The following TEK variants were observed in gnomAD, a reference collection of about 807,000 sequenced individuals.
The protein encoded by TEK is angiopoietin-1 receptor.
TEK carries 43 observed loss-of-function variants against 131.8 expected under a neutral mutation model. That is an observed-to-expected ratio of 0.33 (90% CI 0.26 to 0.42). The LOEUF (loss-of-function observed/expected upper bound fraction) is 0.42. Ranked by LOEUF, TEK falls within the 10% of genes least tolerant of loss-of-function variation. The pLI is 1.00. For missense variants in TEK, 1,162 were observed against 1,384.4 expected (o/e 0.84, Z 2.55); for synonymous variants, 580 against 491.6 (o/e 1.18, Z -2.38).
At chr9:27,185,394 CTTA>C (rs1824557233) in intron 8 of TEK, 88 bp from the exon 9 acceptor site, 9 of 1,514,722 alleles carry the variant, frequency 5.9e-6, no homozygotes, top group Non-Finnish European at 8.2e-6. Context: ...TAGGAAACTT[CTTA>C]TTAAACAATG....
rs928259055 is a variant in TEK at position 27,181,329 on chromosome 9, C to T, written c.1030+961C>T. Among the ~76,000 whole-genome samples the T allele has an allele frequency of 1.6e-4, 24 of 151,912 alleles. No homozygotes were observed. In the South Asian group the frequency reaches 1.7e-3, roughly 11 times the overall value. On this transcript the variant is annotated intron_variant, in intron 7 of 22. Transcript: ENST00000380036. ...TACACAGTTTGTCTGTGAGTTTTTT[C>T]AAATTATCCTAAATCTCCAAAAAAT...
At chr9:27,172,793 T>C (rs1824006926) in intron 5 of TEK, 46 bp downstream of exon 5, 1 of 1,609,904 alleles carries the variant, frequency 6.2e-7, no homozygotes, top group Non-Finnish European at 8.5e-7. Flanking sequence ...TAAAAAGCCA[T>C]CGTTGCTGGA....
chr9:27,192,349 G>A (rs1409982171), intron 10 of TEK, 140 bp from the exon 11 acceptor site: 9 of 915,694 alleles, frequency 9.8e-6, no homozygotes, highest in Non-Finnish European at 1.6e-5. Flanking sequence ...ATGAGGCCTT[G>A]AAGATGGAAT....
intron 4 of TEK, among the ~76,000 whole-genome samples, chr9:27,171,699 C>A (rs1283552209): frequency 2.0e-5 from 3 of 152,132 alleles, no homozygotes; most frequent in Non-Finnish European, 4.4e-5. Context: ...AATGTCAGAG[C>A]AGCCTTTTTG....
Position 27,206,691 on chromosome 9 carries a change from A to T in TEK, c.2474A>T (p.Lys825Ile). 6.2e-7 allele frequency: 1 copy of T among 1,614,104 alleles called. No homozygotes were observed. ...IYPVLDWNDI[K>I]FQDVIGEGNF... ...CCAGTGCTTGACTGGAATGACATCA[A>T]ATTTCAAGATGTGATTGGGGAGGGC... Residue 825 changes from lysine to isoleucine, a missense_variant, in exon 15 of 23, where the codon AAA (lysine) becomes ATA (isoleucine). Transcript: ENST00000380036.
chr9:27,196,298 T>G (rs1303572904), intron 11 of TEK, among the ~76,000 whole-genome samples: 3 of 152,222 alleles, frequency 2.0e-5, no homozygotes, highest in Admixed American at 6.5e-5. Flanking sequence ...TATCATAATT[T>G]ATTAAAGCAG....
At chr9:27,177,321 G>A (rs1347883119) in intron 6 of TEK, among the ~76,000 whole-genome samples, 1 of 152,188 alleles carries the variant, frequency 6.6e-6, no homozygotes, top group African/African-American at 2.4e-5. Context: ...GCATACAAGG[G>A]TTCCCTATTA....
At chr9:27,228,159 C>G in intron 21 of TEK, 47 bp from the exon 22 acceptor site, 2 of 1,514,156 alleles carry the variant, frequency 1.3e-6, no homozygotes, top group Non-Finnish European at 1.8e-6. Context: ...GTGCCTAGGA[C>G]TGAAGCACAG....
chr9:27,208,667 C>G (rs1825489334), intron 15 of TEK, among the ~76,000 whole-genome samples: 1 of 152,178 alleles, frequency 6.6e-6, no homozygotes, highest in Admixed American at 6.5e-5. Flanking sequence ...AACTTTGGTT[C>G]TATTCCTCAG....
intron 1 of TEK, among the ~76,000 whole-genome samples, chr9:27,111,766 A>G (rs1242570346): frequency 6.6e-6 from 1 of 152,140 alleles, no homozygotes; most frequent in Admixed American, 6.5e-5. Context: ...TGTTCTCTTT[A>G]AAAAGTTGTA....
chr9:27,162,720 T>C (rs1587537319), intron 2 of TEK, among the ~76,000 whole-genome samples: 1 of 152,254 alleles, frequency 6.6e-6, no homozygotes, highest in East Asian at 1.9e-4. Flanking sequence ...AATTTTTCTT[T>C]TCTTTTTTTT....
chr9:27,146,379 AC>A (rs1319287761), intron 1 of TEK, among the ~76,000 whole-genome samples: 2 of 152,186 alleles, frequency 1.3e-5, no homozygotes, highest in Non-Finnish European at 2.9e-5. Context: ...CGATCAGGAT[AC>A]AGAATAGTAC....
At chr9:27,188,189 C>T (rs1586988188) in intron 9 of TEK, among the ~76,000 whole-genome samples, 1 of 152,152 alleles carries the variant, frequency 6.6e-6, no homozygotes, top group South Asian at 2.1e-4. Flanking sequence ...ATAGAGGCTA[C>T]CTCTGGGTAG....
intron 1 of TEK, among the ~76,000 whole-genome samples, chr9:27,156,377 G>C (rs1452642421): frequency 6.6e-6 from 1 of 152,036 alleles, no homozygotes; most frequent in Non-Finnish European, 1.5e-5. Flanking sequence ...TAATCTGTAT[G>C]AATAAAACAG....
chr9:27,218,130 T>TTGGGGGGGG (rs9298888), intron 19 of TEK, among the ~76,000 whole-genome samples: 5 of 139,504 alleles, frequency 3.6e-5, no homozygotes, highest in African/African-American at 7.8e-5. Flanking sequence ...GGCCAGACAG[T>TTGGGGGGGG]GGCGGGGGTC....
intron 2 of TEK, among the ~76,000 whole-genome samples, chr9:27,165,172 G>A (rs973286974): frequency 6.6e-6 from 1 of 152,170 alleles, no homozygotes; most frequent in Non-Finnish European, 1.5e-5. Flanking sequence ...AGTGGTGGGG[G>A]GAAAGCTACT....
At chr9:27,218,699 C>G in intron 19 of TEK, 78 bp from the exon 20 acceptor site, 1 of 1,493,996 alleles carries the variant, frequency 6.7e-7, no homozygotes, top group South Asian at 1.1e-5. Flanking sequence ...AAGGGTGGGT[C>G]TCCCTGGCTT....
At position 27,206,653 on chromosome 9, in the gene TEK, T is replaced by C; in HGVS notation, c.2436T>C (p.Asp812=). ...ALNRKVKNNP[D]PTIYPVLDWN... ...ACAGGAAGGTCAAAAACAACCCAGA[T>C]CCTACAATTTATCCAGTGCTTGACT... Residue 812 remains aspartate, a synonymous_variant, in exon 15 of 23, where the codon GAT becomes GAC. Coordinates refer to ENST00000380036, the MANE Select transcript of TEK (RefSeq NM_000459.5). The C allele has an allele frequency of 6.2e-7, 1 of 1,613,992 alleles. No individual in the cohort carries two copies. Among genetic ancestry groups the C allele is most frequent in the Non-Finnish European group, 8.5e-7 (1 of 1,179,986 alleles).
chr9:27,141,014 CTGTT>C (rs1822703894), intron 1 of TEK, among the ~76,000 whole-genome samples: 1 of 152,022 alleles, frequency 6.6e-6, no homozygotes, highest in African/African-American at 2.4e-5. Context: ...CTGCCTATCT[CTGTT>C]TTTAAGATTT....
Sources: allele counts gnomAD v4.1 joint callset (sites outside exome capture counted in the v4.1 genomes callset), GRCh38; gene constraint gnomAD v4.1.1; transcripts MANE v1.5; gene names NCBI Gene and HGNC (gene_info 2026-07-23, HGNC 2026-07-21).